The following STK11IP variants were observed in gnomAD, a reference collection of about 807,000 sequenced individuals.
The protein encoded by STK11IP is serine/threonine-protein kinase 11-interacting protein.
STK11IP carries 103 observed loss-of-function variants against 131.7 expected under a neutral mutation model. That is an observed-to-expected ratio of 0.78 (90% CI 0.67 to 0.92). STK11IP has a LOEUF of 0.92. STK11IP is among the 40% of genes least tolerant of loss of function. The pLI is 0.00. For synonymous variants in STK11IP, 557 were observed against 575.6 expected, an observed-to-expected ratio of 0.97 and a Z score of 0.46; for missense variants, 1,315 against 1,385.7, an observed-to-expected ratio of 0.95 and a Z score of 0.81.
rs1559183989 is a variant in STK11IP at position 219,609,353 on chromosome 2, CCT to C, written c.1927-7_1927-6del. On this transcript the variant is annotated splice_polypyrimidine_tract_variant and splice_region_variant and intron_variant, in intron 16 of 24. Coordinates refer to ENST00000456909, the MANE Select transcript of STK11IP (RefSeq NM_052902.4). ...CTGCTCACAGCTGCCTCTGATCCAC[CCT>C]CTGTCAGGAGCTGCTTGCCGTGTTG... The C allele has an allele frequency of 2.5e-6, 4 of 1,612,972 alleles. No individual in the cohort carries two copies. Among genetic ancestry groups the C allele is most frequent in the African/African-American group, 2.7e-5 (2 of 74,926 alleles).
intron 24 of STK11IP, 34 bp downstream of exon 24, chr2:219,615,375 G>T: frequency 6.3e-7 from 1 of 1,579,006 alleles, no homozygotes. Context: ...GAGGGAGGGA[G>T]GGGAGATGGT....
Position 219,613,127 on chromosome 2 carries a change from G to C in STK11IP, c.2440-1G>C, listed in dbSNP as rs748584025. 6.2e-7 allele frequency: 1 copy of C among 1,611,724 alleles called. No homozygotes were observed. Among genetic ancestry groups the C allele is most frequent in the South Asian group, 1.1e-5 (1 of 90,960 alleles). Reference sequence around the variant, plus strand: ...TTCTCACCAACTTCCTCTTCCCCCAGGTGCCAGTGGCATTGGCAGGCCACA... The same window carrying C: ...TTCTCACCAACTTCCTCTTCCCCCACGTGCCAGTGGCATTGGCAGGCCACA... On this transcript the variant is annotated splice_acceptor_variant, in intron 19 of 24. Coordinates refer to ENST00000456909, the MANE Select transcript of STK11IP (RefSeq NM_052902.4). LOFTEE classifies it high-confidence loss of function.
chr2:219,615,140 G>A lies in STK11IP; in HGVS notation c.2916G>A (p.Leu972=), dbSNP rs568947831. ...CCCTGTTGCTGACTCCGTCCACCCT[G>A]TTCCTGTTAGATGAGGATGCTGCAG... ...LVSLLLTPST[L]FLLDEDAAGS... Residue 972 remains leucine (L), a synonymous_variant, in exon 24 of 25, where the codon CTG becomes CTA. Transcript: ENST00000456909. 5.6e-6 allele frequency: 9 copies of A among 1,608,542 alleles called. No individual in the cohort carries two copies. The South Asian group carries it at 1.0e-4, about 18-fold the overall frequency.
Position 219,608,258 on chromosome 2 carries a change from A to G in STK11IP, c.1431A>G (p.Arg477=). The part of the protein sequence containing the change: ...PRPSPPQEEA[R]GPQESPQKMS... ...CTTCACCCCCGCAGGAGGAAGCCAG[A>G]GGCCCCCAGGAGTCACCACAGAAAA... Residue 477 remains arginine (R), a synonymous_variant, in exon 14 of 25, where the codon AGA becomes AGG. Coordinates refer to ENST00000456909, the MANE Select transcript of STK11IP (RefSeq NM_052902.4). 6.2e-7 allele frequency: 1 copy of G among 1,613,508 alleles called. No homozygotes were observed. Among genetic ancestry groups the G allele is most frequent in the Non-Finnish European group, 8.5e-7 (1 of 1,179,858 alleles).
chr2:219,607,866 G>T (rs1259664993), intron 13 of STK11IP, among the ~76,000 whole-genome samples, 181 bp from the exon 14 acceptor site: 2 of 152,172 alleles, frequency 1.3e-5, no homozygotes, highest in African/African-American at 4.8e-5. Context: ...GATTGCATGT[G>T]ACCACAGGGT....
chr2:219,598,525 G>A (rs528639836), intron 2 of STK11IP: 2 of 216,432 alleles, frequency 9.2e-6, no homozygotes, highest in African/African-American at 4.5e-5. Context: ...AAATACAGTA[G>A]ATAGAAGCAC....
chr2:219,609,502 A>C lies in STK11IP; in HGVS notation c.2066A>C (p.Asp689Ala). The C allele has an allele frequency of 6.3e-7, 1 of 1,592,462 alleles. No homozygotes were observed. Among genetic ancestry groups the C allele is most frequent in the Non-Finnish European group, 8.6e-7 (1 of 1,169,108 alleles). Residue 689 changes from aspartate to alanine, a missense_variant, in exon 17 of 25, where the codon GAC (aspartate) becomes GCC (alanine). By Grantham distance (126) the Asp-to-Ala change is moderately radical. Coordinates refer to ENST00000456909, the MANE Select transcript of STK11IP (RefSeq NM_052902.4). ...FKPEEPRMGL[D>A]SEEGWRPLFQ... is the part of the protein sequence containing the mutation. ...CCAGAGGAGCCCAGGATGGGATTAG[A>C]CAGTGAGGAAGGCTGGAGGCCTCTG... is the stretch of plus-strand genomic sequence containing the variant.
chr2:219,609,065 GT>G, intron 15 of STK11IP, 31 bp from the exon 16 acceptor site: 1 of 1,513,188 alleles, frequency 6.6e-7, no homozygotes. Flanking sequence ...CGCCCCTGCT[GT>G]TTTTCACCCG....
chr2:219,609,002 C>G lies in STK11IP; in HGVS notation c.1810-95C>G, dbSNP rs1443665770. ...GTCAGTACAGGCCTTTGACAGGCTT[C>G]AGAGGTCCTGCCATCCTCCATGCTC... On this transcript the variant is annotated intron_variant, in intron 15 of 24. Coordinates refer to ENST00000456909, the MANE Select transcript of STK11IP (RefSeq NM_052902.4). The G allele has an allele frequency of 3.6e-6, 4 of 1,124,456 alleles. No homozygotes were observed. In the East Asian group the frequency reaches 1.0e-4, roughly 29 times the overall value. The allele number at this position is 1,124,456 out of a possible 1,614,324, so 69.7% of individuals were successfully genotyped here.
chr2:219,607,269 C>T, intron 13 of STK11IP, 132 bp downstream of exon 13: 1 of 857,016 alleles, frequency 1.2e-6, no homozygotes, highest in East Asian at 2.8e-5. Flanking sequence ...GCTTCTTAGT[C>T]TTTTTTCTTT....
intron 5 of STK11IP, among the ~76,000 whole-genome samples, 189 bp from the exon 6 acceptor site, chr2:219,602,279 A>G (rs185967818): frequency 3.3e-5 from 5 of 152,326 alleles, no homozygotes. Flanking sequence ...ATTATATTAC[A>G]TATTCTAGTG....
rs185836682 is a variant in STK11IP at position 219,609,201 on chromosome 2, C to T, written c.1914C>T (p.His638=). 9.4e-5 allele frequency: 150 copies of T among 1,603,572 alleles called. 1 individual carries two copies. In the South Asian group the frequency reaches 1.4e-3, roughly 15 times the overall value. ...RRYLVLEPDA[H]AAVQELLAVL... is the part of the protein sequence containing the mutation. ...ATTTGGTGCTGGAGCCTGATGCCCA[C>T]GCAGCTGTCCAGGTGATGGCGCCCA... Residue 638 remains histidine (H), a synonymous_variant, in exon 16 of 25, where the codon CAC becomes CAT. Coordinates refer to ENST00000456909, the MANE Select transcript of STK11IP (RefSeq NM_052902.4).
rs1697843326 is a variant in STK11IP at position 219,597,923 on chromosome 2, G to A, written c.-27G>A. 3 of 1,612,102 alleles carry A rather than the reference G, an allele frequency of 1.9e-6. No homozygotes were observed. The highest frequency in any genetic ancestry group is 1.3e-5 in the African/African-American group (1 of 74,860). Reference sequence around the variant, plus strand: ...GTAGGAGGACCAGACGGGGAGGTTCGGTATGTCTGACCAGGACTTATGTTC... The same window carrying A: ...GTAGGAGGACCAGACGGGGAGGTTCAGTATGTCTGACCAGGACTTATGTTC... On this transcript the variant is annotated splice_region_variant and 5_prime_UTR_variant, in exon 1 of 25. Transcript: ENST00000456909.
intron 2 of STK11IP, 186 bp downstream of exon 2, chr2:219,598,366 C>T (rs1697869565): frequency 4.0e-6 from 2 of 501,484 alleles, no homozygotes; most frequent in Admixed American, 4.2e-5. Flanking sequence ...ATAGCCTAAA[C>T]TCTAGCCGTC....
chr2:219,601,868 T>A, intron 4 of STK11IP, 120 bp from the exon 5 acceptor site: 1 of 1,253,626 alleles, frequency 8.0e-7, no homozygotes, highest in Non-Finnish European at 1.1e-6. Flanking sequence ...TTCCATTTAC[T>A]GCTTCCCTAA....
Position 219,608,099 on chromosome 2 carries a change from A to G in STK11IP, c.1272A>G (p.Glu424=). 6.2e-7 allele frequency: 1 copy of G among 1,613,080 alleles called. No individual in the cohort carries two copies. The highest frequency in any genetic ancestry group is 8.5e-7 in the Non-Finnish European group (1 of 1,179,896). ...TGGAGCTCATGAGCAGCTTCCGGGA[A>G]CGGTTCGGCCGCAACTGGCTGCAGT... is the stretch of plus-strand genomic sequence containing the variant. The part of the protein sequence containing the change: ...PELELMSSFR[E]RFGRNWLQYR... The change falls in exon 14 of 25, where the codon GAA becomes GAG. Residue 424 remains glutamate (E), a synonymous_variant. Coordinates refer to ENST00000456909, the MANE Select transcript of STK11IP (RefSeq NM_052902.4).
In STK11IP at chr2:219,598,172, G is replaced by A; in HGVS notation, c.53G>A (p.Arg18Gln). 6.4e-7 allele frequency: 1 copy of A among 1,561,296 alleles called. No individual in the cohort carries two copies. Among genetic ancestry groups the A allele is most frequent in the Non-Finnish European group, 8.7e-7 (1 of 1,152,568 alleles). Residue 18 changes from arginine (R) to glutamine (Q), a missense_variant, in exon 2 of 25, where the codon CGG becomes CAG. By Grantham distance (43) the Arg-to-Gln change is conservative. Coordinates refer to ENST00000456909, the MANE Select transcript of STK11IP (RefSeq NM_052902.4). ...SLLWKLAGLL[R>Q]ESGDVVLSGC... is the part of the protein sequence containing the mutation. ...TTGTGGAAGCTCGCGGGGTTGCTGC[G>A]GGAGTCCGGTGAGTGGACTTCCGGT...
intron 2 of STK11IP, chr2:219,598,433 G>A (rs1425588021): frequency 4.6e-6 from 2 of 439,194 alleles, no homozygotes; most frequent in African/African-American, 4.1e-5. Flanking sequence ...ACTGTCAGAA[G>A]GAAGTGATCA....
At chr2:219,606,372 G>GT (rs1297567556) in intron 10 of STK11IP, 82 bp downstream of exon 10, 1 of 1,544,772 alleles carries the variant, frequency 6.5e-7, no homozygotes, top group Non-Finnish European at 8.8e-7. Flanking sequence ...CCATCCCTGG[G>GT]TGAGGGGCCA....
Sources: gnomAD v4.1 joint callset for allele counts (sites outside exome capture counted in the v4.1 genomes callset) on GRCh38, gnomAD v4.1.1 for gene constraint, MANE v1.5 for transcripts, NCBI Gene and HGNC (gene_info 2026-07-23, HGNC 2026-07-21) for gene names.